SCIN: variants seen among roughly 807,000 people sequenced by gnomAD.
SCIN encodes the protein scinderin.
In SCIN, 91 loss-of-function variants were observed where a neutral mutation model predicts 91.8. That is an observed-to-expected ratio of 0.99 (90% confidence interval 0.84 to 1.18). The LOEUF is 1.18. Ranked by LOEUF, SCIN falls within the 50% of genes most tolerant of loss-of-function variation. The probability of loss-of-function intolerance (pLI) is 0.00; values close to 1 mark genes in which losing one functional copy is unlikely to be tolerated. For synonymous variants in SCIN, 367 were observed against 312.6 expected (o/e 1.17, Z -1.84); for missense variants, 1,087 against 863.9 (o/e 1.26, Z -3.24).
chr7:12,645,760 C>A (rs923718258), intron 13 of SCIN, among the ~76,000 whole-genome samples: 3 of 152,036 alleles, frequency 2.0e-5, no homozygotes, highest in African/African-American at 4.8e-5. Flanking sequence ...TTTTCTGTTC[C>A]TTACACAGGG....
chr7:12,635,228 G>C (rs2115285895), intron 9 of SCIN, among the ~76,000 whole-genome samples: 1 of 151,270 alleles, frequency 6.6e-6, no homozygotes. Flanking sequence ...TGACAAAATG[G>C]GACCTCTCCA....
intron 1 of SCIN, among the ~76,000 whole-genome samples, chr7:12,576,921 T>G (rs959579594): frequency 2.0e-5 from 3 of 152,162 alleles, no homozygotes; most frequent in African/African-American, 7.2e-5. Flanking sequence ...CTAGAGTCAT[T>G]TAAGATTTTT....
chr7:12,594,796 C>T (rs189236291), intron 3 of SCIN, among the ~76,000 whole-genome samples: 344 of 152,184 alleles, frequency 2.3e-3, no homozygotes, highest in Non-Finnish European at 4.4e-3. Flanking sequence ...CGGAGTCAGG[C>T]GTCCAGGAAA....
chr7:12,632,191 G>A (rs1297786600), intron 9 of SCIN, among the ~76,000 whole-genome samples: 1 of 150,780 alleles, frequency 6.6e-6, no homozygotes, highest in African/African-American at 2.4e-5. Flanking sequence ...GTACAGTGGT[G>A]CCACTCTTGG....
In SCIN at chr7:12,659,733, C is replaced by T; in HGVS notation, c.*7018C>T. ...AAAATGGCACAGTGGCAAATCCTGA[C>T]CATGGACTGCCCTATGCAAAATAAC... On this transcript the variant is annotated 3_prime_UTR_variant, in exon 16 of 16. Coordinates refer to ENST00000297029, the MANE Select transcript of SCIN (RefSeq NM_001112706.3). 6.4e-6 allele frequency: 1 copy of T among 155,858 alleles called. No individual in the cohort carries two copies. 9.7% of individuals were successfully genotyped at this position (155,858 alleles called of 1,614,324 possible).
intron 4 of SCIN, among the ~76,000 whole-genome samples, chr7:12,610,358 A>G (rs1307946933): frequency 6.6e-6 from 1 of 152,182 alleles, no homozygotes; most frequent in Non-Finnish European, 1.5e-5. Flanking sequence ...TTAGAGATGT[A>G]CTCTACAAAG....
intron 7 of SCIN, 114 bp from the exon 8 acceptor site, chr7:12,626,470 A>G: frequency 1.2e-6 from 1 of 822,834 alleles, no homozygotes; most frequent in Non-Finnish European, 1.9e-6. Flanking sequence ...TATGAGCTTG[A>G]TAGCTAAACC....
Position 12,587,099 on chromosome 7 carries a change from C to T in SCIN, c.516+5878C>T, listed in dbSNP as rs370010290. Among the ~76,000 whole-genome samples, 27 of 152,232 alleles carry T rather than the reference C, an allele frequency of 1.8e-4. 1 individual carries two copies. The East Asian group carries it at 5.2e-3, about 29-fold the overall frequency. On this transcript the variant is annotated intron_variant, in intron 3 of 15. Transcript: ENST00000297029. ...AAAAGGATTTCGAGTGTTCCCAGTA[C>T]AAATAAGTGATAACTATTTGAGGTG...
Position 12,626,628 on chromosome 7 carries a change from GT to G in SCIN, c.1032del (p.Phe344LeufsTer25). ...GAGGTGAAACACCAATCTTCAAACAGTTTTTTAAGGACTGGAGAGATAAAGA... is the reference window on the plus strand; with the variant it reads ...GAGGTGAAACACCAATCTTCAAACAGTTTTTAAGGACTGGAGAGATAAAGA... ...EGGETPIFKQ[F>X]FKDWRDKDQS... On this transcript the variant is annotated frameshift_variant, in exon 8 of 16. Transcript: ENST00000297029. LOFTEE classifies it high-confidence loss of function. The G allele has an allele frequency of 6.4e-7, 1 of 1,552,432 alleles. No homozygotes were observed. The highest frequency in any genetic ancestry group is 8.7e-7 in the Non-Finnish European group (1 of 1,147,370).
intron 4 of SCIN, among the ~76,000 whole-genome samples, chr7:12,616,293 CCT>C (rs1783298192): frequency 6.6e-6 from 1 of 151,922 alleles, no homozygotes; most frequent in African/African-American, 2.4e-5. Flanking sequence ...TGACTAGAGC[CCT>C]CATGAATAGT....
chr7:12,602,825 C>G (rs1782985604), intron 3 of SCIN, among the ~76,000 whole-genome samples: 1 of 152,070 alleles, frequency 6.6e-6, no homozygotes, highest in Non-Finnish European at 1.5e-5. Flanking sequence ...TCATATTGTT[C>G]AAACACATGT....
At chr7:12,619,049 A>T (rs566200127) in intron 4 of SCIN, among the ~76,000 whole-genome samples, 1 of 152,218 alleles carries the variant, frequency 6.6e-6, no homozygotes, top group East Asian at 1.9e-4. Flanking sequence ...TAATCTATGA[A>T]GTTAAAGTAA....
rs1783911743 is a variant in SCIN, at chr7:12,644,216, G to A, written c.1660G>A (p.Val554Ile). Residue 554 changes from valine (V) to isoleucine (I), a missense_variant, in exon 12 of 16, where the codon GTA (valine) becomes ATA (isoleucine). Physicochemically the swap from Val to Ile is conservative, Grantham distance 29. Transcript: ENST00000297029. The stretch of plus-strand genomic sequence containing the variant: ...GCCACAAAATAGTGGCTACATCTGG[G>A]TAGGAAAAGGTGCTAGCCAGGAGGA... ...KLPQNSGYIW[V>I]GKGASQEEEK... 3 of 1,611,180 alleles carry A rather than the reference G, an allele frequency of 1.9e-6. No individual in the cohort carries two copies. The highest frequency in any genetic ancestry group is 2.7e-5 in the African/African-American group (2 of 74,882).
intron 8 of SCIN, among the ~76,000 whole-genome samples, chr7:12,628,554 G>A (rs190359724): frequency 3.9e-5 from 6 of 152,084 alleles, no homozygotes; most frequent in African/African-American, 7.2e-5. Context: ...ACCTCCCAAA[G>A]GTCCCACCTC....
In SCIN at chr7:12,654,666, A is replaced by G. The variant is rs1784138930; in HGVS notation, c.*1951A>G. On this transcript the variant is annotated 3_prime_UTR_variant, in exon 16 of 16. Transcript: ENST00000297029. Reference sequence around the variant, plus strand: ...GGTCAAGGTGAGTGGCTTAGGGTACACTGTATTTTACGATGTTTCTCTAGT... The same window carrying G: ...GGTCAAGGTGAGTGGCTTAGGGTACGCTGTATTTTACGATGTTTCTCTAGT... 1.3e-5 allele frequency: 2 copies of G among 152,176 alleles called. No individual in the cohort carries two copies. The highest frequency in any genetic ancestry group is 4.1e-4 in the South Asian group (2 of 4,836). 9.4% of individuals were successfully genotyped at this position (152,176 alleles called of 1,614,324 possible).
Position 12,657,511 on chromosome 7 carries a change from G to A in SCIN, c.*4796G>A, listed in dbSNP as rs545140530. 1.8e-4 allele frequency: 20 copies of A among 113,954 alleles called. No homozygotes were observed. In the South Asian group the frequency reaches 4.9e-3, roughly 28 times the overall value. 7.1% of individuals were successfully genotyped at this position (113,954 alleles called of 1,614,324 possible). On this transcript the variant is annotated 3_prime_UTR_variant, in exon 16 of 16. Transcript: ENST00000297029. ...GGCATGAGCCACCGCATCTGGACAC[G>A]AATTTTTAAGTTTTATATATGTGTG... is the stretch of plus-strand genomic sequence containing the variant.
In SCIN at chr7:12,640,456, C is replaced by T. The variant is rs374520740; in HGVS notation, c.1520C>T (p.Ala507Val). The T allele has an allele frequency of 5.5e-5, 88 of 1,613,462 alleles. No homozygotes were observed. In the African/African-American group the frequency reaches 1.0e-3, roughly 19 times the overall value. The change falls in exon 11 of 16, where the codon GCT (alanine) becomes GTT (valine). Residue 507 changes from alanine to valine, a missense_variant. Transcript: ENST00000297029. ...TCAAAGAAAGGAGGTCAGGCACCTG[C>T]TCCCCCTACACGCCTCTTTCAAGTC... The part of the protein sequence containing the change: ...GTSKKGGQAP[A>V]PPTRLFQVRR...
At chr7:12,598,444 T>TA (rs1404729132) in intron 3 of SCIN, among the ~76,000 whole-genome samples, 1 of 152,198 alleles carries the variant, frequency 6.6e-6, no homozygotes. Context: ...TTCAGCACAG[T>TA]AGAGCTCTGT....
Position 12,649,531 on chromosome 7 carries a change from A to C in SCIN, c.1946A>C (p.Asp649Ala), listed in dbSNP as rs769421590. The change falls in exon 14 of 16, where the codon GAT becomes GCT. Residue 649 changes from aspartate (D) to alanine (A), a missense_variant. Physicochemically the swap from Asp to Ala is moderately radical, Grantham distance 126. Coordinates refer to ENST00000297029, the MANE Select transcript of SCIN (RefSeq NM_001112706.3). ...GCTGAAGATGATGTCATGTTACTAG[A>C]TGCTTGGGAACAGGTAAAACTACAT... ...DLAEDDVMLLDAWEQIFIWIG... is the reference protein window; with the variant it reads ...DLAEDDVMLLAAWEQIFIWIG... 5 of 1,598,134 alleles carry C rather than the reference A, an allele frequency of 3.1e-6. No homozygotes were observed. Among genetic ancestry groups the C allele is most frequent in the Middle Eastern group, 3.3e-4 (2 of 6,058 alleles).
Sources: gnomAD v4.1 joint callset for allele counts (sites outside exome capture counted in the v4.1 genomes callset) on GRCh38, gnomAD v4.1.1 for gene constraint, MANE v1.5 for transcripts, NCBI Gene and HGNC (gene_info 2026-07-23, HGNC 2026-07-21) for gene names.